Variants in NAALADL2 observed in about 807,000 individuals in gnomAD.
NAALADL2 encodes the protein inactive N-acetylated-alpha-linked acidic dipeptidase-like protein 2.
A neutral mutation model predicts 87.2 loss-of-function variants in NAALADL2; 76 were observed. That is an observed-to-expected ratio of 0.87 (90% CI 0.72 to 1.05). The LOEUF (loss-of-function observed/expected upper bound fraction) is 1.05, where lower values mean the gene tolerates loss of function less well. Among genes scored for constraint, NAALADL2 ranks in the 50% least tolerant of loss-of-function variants. NAALADL2 has a pLI of 0.00. For missense variants in NAALADL2, 1,089 were observed against 945.8 expected (o/e 1.15, Z -1.99); for synonymous variants, 354 against 331.0 (o/e 1.07, Z -0.75).
At chr3:174,627,285 T>A (rs1226096435) in intron 2 of NAALADL2, among the ~76,000 whole-genome samples, 1 of 151,700 alleles carries the variant, frequency 6.6e-6, no homozygotes, top group African/African-American at 2.4e-5. Flanking sequence ...CGTCATAGAG[T>A]TGAAAATGAT....
intron 5 of NAALADL2, among the ~76,000 whole-genome samples, chr3:175,398,368 C>A (rs1353212231): frequency 1.0e-3 from 107 of 105,366 alleles, no homozygotes; most frequent in African/African-American, 4.3e-3. Flanking sequence ...TTTTTTTTTC[C>A]ATCCTTTGCA....
At chr3:175,339,417 AG>A (rs1451654961) in intron 5 of NAALADL2, among the ~76,000 whole-genome samples, 1 of 152,216 alleles carries the variant, frequency 6.6e-6, no homozygotes, top group African/African-American at 2.4e-5. Context: ...TATCACTGGA[AG>A]GGATCTTAGA....
intron 12 of NAALADL2, among the ~76,000 whole-genome samples, chr3:175,754,782 A>G (rs932553602): frequency 6.6e-6 from 1 of 152,154 alleles, no homozygotes; most frequent in African/African-American, 2.4e-5. Context: ...GACCTTACTT[A>G]GTTCTCAGCT....
intron 13 of NAALADL2, chr3:175,773,059 G>A (rs1749723895): frequency 6.6e-6 from 1 of 152,142 alleles, no homozygotes; most frequent in African/African-American, 2.4e-5. Flanking sequence ...TGGTACTTAA[G>A]CAGGATCTTA....
intron 2 of NAALADL2, among the ~76,000 whole-genome samples, chr3:175,145,112 G>A (rs544598673): frequency 2.4e-4 from 36 of 152,022 alleles, no homozygotes; most frequent in Non-Finnish European, 5.0e-4. Context: ...GGCTGTCCTA[G>A]CTCTTGCTAA....
chr3:175,760,163 G>C (rs1256443493), intron 13 of NAALADL2, among the ~76,000 whole-genome samples: 1 of 152,084 alleles, frequency 6.6e-6, no homozygotes, highest in Non-Finnish European at 1.5e-5. Flanking sequence ...TAAGAGTCTC[G>C]TTGCAGGTTG....
chr3:175,349,904 G>A (rs542508640), intron 5 of NAALADL2, among the ~76,000 whole-genome samples: 1 of 152,096 alleles, frequency 6.6e-6, no homozygotes, highest in African/African-American at 2.4e-5. Context: ...CTTATTGGAT[G>A]GAAAGTTGGA....
chr3:174,452,739 A>G (rs758113900), intron 1 of NAALADL2, among the ~76,000 whole-genome samples: 5 of 151,982 alleles, frequency 3.3e-5, no homozygotes, highest in Non-Finnish European at 7.4e-5. Flanking sequence ...TCAAATCCTC[A>G]AGGTCATCAA....
At chr3:174,925,143 C>T (rs1735808058) in intron 1 of NAALADL2, among the ~76,000 whole-genome samples, 1 of 152,106 alleles carries the variant, frequency 6.6e-6, no homozygotes, top group Non-Finnish European at 1.5e-5. Context: ...GAAGTCCTTG[C>T]CCATGCCTAT....
chr3:175,806,751 A>G lies in NAALADL2; in HGVS notation c.*3548A>G, dbSNP rs1389969710. ...CAACCCATTTCAAAATGAGAAAACTAGGTTGAGTGACTTGTCCACAGTTCC... is the reference window on the plus strand; with the variant it reads ...CAACCCATTTCAAAATGAGAAAACTGGGTTGAGTGACTTGTCCACAGTTCC... On this transcript the variant is annotated 3_prime_UTR_variant, in exon 14 of 14. Transcript: ENST00000454872. 1 of 142,388 alleles carries G rather than the reference A, an allele frequency of 7.0e-6. No homozygotes were observed. Among genetic ancestry groups the G allele is most frequent in the Non-Finnish European group, 1.5e-5 (1 of 65,928 alleles). 8.8% of individuals were successfully genotyped at this position (142,388 alleles called of 1,614,324 possible). A position where few individuals can be genotyped will look rare whatever the true frequency, so the allele number is the denominator to read the frequency against.
chr3:174,892,861 G>T (rs1244848652), intron 1 of NAALADL2, among the ~76,000 whole-genome samples: 1 of 148,474 alleles, frequency 6.7e-6, no homozygotes, highest in African/African-American at 2.5e-5. Context: ...GGTGGAGGTT[G>T]CAGTGAGCCA....
At chr3:175,585,255 C>T (rs1271179886) in intron 10 of NAALADL2, among the ~76,000 whole-genome samples, 2 of 152,076 alleles carry the variant, frequency 1.3e-5, no homozygotes, top group Non-Finnish European at 2.9e-5. Flanking sequence ...CATTAGGCAA[C>T]AGGAACTTTT....
At chr3:175,466,551 A>C (rs1016295432) in intron 7 of NAALADL2, among the ~76,000 whole-genome samples, 12 of 152,212 alleles carry the variant, frequency 7.9e-5, no homozygotes, top group Non-Finnish European at 1.6e-4. Context: ...TTTATTGCAG[A>C]ATCCATACAT....
At chr3:175,332,482 G>C (rs984478609) in intron 5 of NAALADL2, among the ~76,000 whole-genome samples, 2 of 152,142 alleles carry the variant, frequency 1.3e-5, no homozygotes, top group Admixed American at 1.3e-4. Context: ...TTTATTATTT[G>C]TAGAGACAAG....
In NAALADL2 at chr3:175,354,881, T is replaced by TACACACACAC. The variant is rs142110969; in HGVS notation, c.1090+30570_1090+30579dup. On this transcript the variant is annotated intron_variant, in intron 5 of 13. Coordinates refer to ENST00000454872, the MANE Select transcript of NAALADL2 (RefSeq NM_207015.3). ...CTATACATACATACATACATATATA[T>TACACACACAC]ACACACACACACACACACACACATA... 1.7e-3 allele frequency among the ~76,000 whole-genome samples: 247 copies of TACACACACAC among 146,922 alleles called. 2 individuals are homozygous for TACACACACAC. Among genetic ancestry groups the TACACACACAC allele is most frequent in the African/African-American group, 5.9e-3 (235 of 40,088 alleles).
intron 1 of NAALADL2, among the ~76,000 whole-genome samples, chr3:174,895,519 A>G (rs1490612196): frequency 6.6e-6 from 1 of 152,150 alleles, no homozygotes; most frequent in Non-Finnish European, 1.5e-5. Context: ...ACAAGTAATG[A>G]GATGGTAGCC....
At chr3:174,460,971 T>C (rs915680079) in intron 1 of NAALADL2, among the ~76,000 whole-genome samples, 2 of 152,052 alleles carry the variant, frequency 1.3e-5, no homozygotes, top group African/African-American at 4.8e-5. Flanking sequence ...CCTTGTTCCG[T>C]ACTACTAGTA....
chr3:175,709,890 T>C (rs908659222), intron 11 of NAALADL2, among the ~76,000 whole-genome samples: 8 of 152,026 alleles, frequency 5.3e-5, no homozygotes, highest in Admixed American at 3.3e-4. Context: ...ATGATGTCTG[T>C]AGTGAGGTTG....
intron 1 of NAALADL2, among the ~76,000 whole-genome samples, chr3:175,002,054 C>A (rs1748306478): frequency 6.6e-6 from 1 of 152,118 alleles, no homozygotes; most frequent in Admixed American, 6.6e-5. Context: ...AGGCCACATG[C>A]ACTAAGGGCA....
Sources: allele counts gnomAD v4.1 joint callset (sites outside exome capture counted in the v4.1 genomes callset), GRCh38; gene constraint gnomAD v4.1.1; transcripts MANE v1.5; gene names NCBI Gene and HGNC (gene_info 2026-07-23, HGNC 2026-07-21).